Variants in CLDN16 observed in about 807,000 individuals in gnomAD.
CLDN16 encodes claudin 16.
A neutral mutation model predicts 24.6 loss-of-function variants in CLDN16; 13 were observed. That is an observed-to-expected ratio of 0.53 (90% CI 0.34 to 0.84). The LOEUF is 0.84. CLDN16 is among the 40% of genes least tolerant of loss of function. The pLI, the probability that CLDN16 is intolerant of heterozygous loss-of-function variation, is 0.01. For missense variants in CLDN16, 298 were observed against 292.7 expected (o/e 1.02, Z -0.13); for synonymous variants, 116 against 106.7 (o/e 1.09, Z -0.54).
In CLDN16 at chr3:190,363,294, T is replaced by C. The variant is rs188722748; in HGVS notation, n.122-7599T>C. 4.6e-3 allele frequency among the ~76,000 whole-genome samples: 694 copies of C among 151,794 alleles called. 7 individuals are homozygous for C. Among genetic ancestry groups the C allele is most frequent in the Middle Eastern group, 6.8e-3 (2 of 294 alleles). The stretch of plus-strand genomic sequence containing the variant: ...TAGTTACAGGCATTCTAGCTGGTTG[T>C]TTTTCTACAACTCCCATTTATCTCT... On this transcript the variant is annotated intron_variant and non_coding_transcript_variant, in intron 1 of 4. Transcript: ENST00000468220.
chr3:190,322,060 C>T (rs142242567), upstream of CLDN16: 6,541 of 1,614,206 alleles, frequency 4.1e-3, 84 homozygotes, highest in South Asian at 0.033. Context: ...ACATCCACAG[C>T]CCCTCGTACA....
chr3:190,410,326 G>C lies in CLDN16; in HGVS notation c.*290G>C. The C allele has an allele frequency of 2.7e-6, 1 of 363,680 alleles. No homozygotes were observed. The highest frequency in any genetic ancestry group is 3.1e-5 in the South Asian group (1 of 32,130). The allele number at this position is 363,680 out of a possible 1,614,324, so 22.5% of individuals were successfully genotyped here. A position where few individuals can be genotyped will look rare whatever the true frequency, so the allele number is the denominator to read the frequency against. On this transcript the variant is annotated 3_prime_UTR_variant, in exon 5 of 5. Coordinates refer to ENST00000264734, the MANE Select transcript of CLDN16 (RefSeq NM_006580.4). ...GTTTGTGATTTCTATATAGCTATTA[G>C]AGATTATGACATAGTAATATTAAAA...
chr3:190,332,741 G>GAT (rs1487895293), intron 1 of CLDN16, among the ~76,000 whole-genome samples: 8 of 150,328 alleles, frequency 5.3e-5, no homozygotes, highest in Middle Eastern at 3.5e-3. Flanking sequence ...GAAGACTAAA[G>GAT]AAAGATTATT....
intron 1 of CLDN16, among the ~76,000 whole-genome samples, chr3:190,352,105 A>G (rs980124931): frequency 6.6e-6 from 1 of 151,928 alleles, no homozygotes; most frequent in African/African-American, 2.4e-5. Flanking sequence ...GCTTTTCTAA[A>G]TATTATTTGT....
chr3:190,359,617 A>G (rs945059117), intron 1 of CLDN16, among the ~76,000 whole-genome samples: 1 of 152,058 alleles, frequency 6.6e-6, no homozygotes, highest in African/African-American at 2.4e-5. Context: ...ACAATGCTCA[A>G]TAAAACCCTG....
At position 190,408,757 on chromosome 3, in the gene CLDN16, T is replaced by G. The variant is rs755925488; in HGVS notation, c.574+252T>G. Among the ~76,000 whole-genome samples the G allele has an allele frequency of 4.2e-4, 63 of 149,938 alleles. 3 individuals are homozygous for G. The highest frequency in any genetic ancestry group is 1.5e-4 in the Non-Finnish European group (10 of 67,572). ...ATATTCAAATGTATAATAGTTATCTTGATGTATTACAATTATACATATATA... is the reference window on the plus strand; with the variant it reads ...ATATTCAAATGTATAATAGTTATCTGGATGTATTACAATTATACATATATA... On this transcript the variant is annotated intron_variant, in intron 4 of 4. Transcript: ENST00000264734.
upstream of CLDN16, among the ~76,000 whole-genome samples, chr3:190,383,240 C>T (rs1414052492): frequency 1.3e-5 from 2 of 152,070 alleles, no homozygotes; most frequent in Non-Finnish European, 2.9e-5. Context: ...TTGGAGGGAG[C>T]TATTGATATG....
chr3:190,321,302 A>G (rs964040472), upstream of CLDN16, among the ~76,000 whole-genome samples: 1 of 152,100 alleles, frequency 6.6e-6, no homozygotes, highest in African/African-American at 2.4e-5. Context: ...CCAAGATAGC[A>G]CTACACCGTC....
the CLDN16 span, among the ~76,000 whole-genome samples, chr3:190,302,099 G>A: frequency 0.019 from 2,877 of 152,164 alleles, 98 homozygotes; most frequent in African/African-American, 0.066. Flanking sequence ...CATGTTGTAC[G>A]TGATTCTACC....
intron 1 of CLDN16, among the ~76,000 whole-genome samples, chr3:190,364,434 C>A (rs768313596): frequency 2.0e-5 from 3 of 151,878 alleles, no homozygotes; most frequent in Admixed American, 6.6e-5. Flanking sequence ...CAGAACATAG[C>A]TCATGATGAG....
chr3:190,365,936 A>G (rs1718013611), intron 1 of CLDN16, among the ~76,000 whole-genome samples: 1 of 151,848 alleles, frequency 6.6e-6, no homozygotes, highest in South Asian at 2.1e-4. Flanking sequence ...AGGCCTCTAC[A>G]TAATTCTTAA....
chr3:190,365,604 C>T (rs572227267), intron 1 of CLDN16, among the ~76,000 whole-genome samples: 11 of 150,102 alleles, frequency 7.3e-5, no homozygotes, highest in Non-Finnish European at 1.2e-4. Flanking sequence ...TTCCAGGATC[C>T]TTGACCAAGT....
At chr3:190,353,358 T>C (rs1717706825) in intron 1 of CLDN16, among the ~76,000 whole-genome samples, 1 of 152,098 alleles carries the variant, frequency 6.6e-6, no homozygotes, top group South Asian at 2.1e-4. Flanking sequence ...TTTATCATGA[T>C]GAGTGCACCC....
At chr3:190,341,684 C>T (rs561714148) in intron 1 of CLDN16, among the ~76,000 whole-genome samples, 5 of 152,264 alleles carry the variant, frequency 3.3e-5, no homozygotes, top group East Asian at 1.9e-4. Flanking sequence ...TTTCTATAGC[C>T]GGCTTGGATT....
chr3:190,385,047 C>T (rs1360708493), upstream of CLDN16, among the ~76,000 whole-genome samples: 1 of 152,038 alleles, frequency 6.6e-6, no homozygotes, highest in Non-Finnish European at 1.5e-5. Context: ...GCTTCTGGTC[C>T]ACTCACTGAA....
chr3:190,348,321 A>T (rs1717598863), intron 1 of CLDN16, among the ~76,000 whole-genome samples: 1 of 125,378 alleles, frequency 8.0e-6, no homozygotes, highest in Admixed American at 8.3e-5. Context: ...GTCAAGGAAG[A>T]CAGCAAGACT....
chr3:190,325,310 A>G lies in CLDN16; in HGVS notation n.121+2649A>G, dbSNP rs980444410. On this transcript the variant is annotated intron_variant and non_coding_transcript_variant, in intron 1 of 4. Transcript: ENST00000468220. ...CTGCAGTATTTCTCTGTGTGACCCAAATCAATCGAGGACAATTTTTTTTTT... is the reference window on the plus strand; with the variant it reads ...CTGCAGTATTTCTCTGTGTGACCCAGATCAATCGAGGACAATTTTTTTTTT... Among the ~76,000 whole-genome samples the G allele has an allele frequency of 4.6e-5, 7 of 151,730 alleles. No homozygotes were observed. In the South Asian group the frequency reaches 1.1e-3, roughly 23 times the overall value.
At chr3:190,393,477 T>C (rs775286895) in intron 1 of CLDN16, among the ~76,000 whole-genome samples, 21 of 152,168 alleles carry the variant, frequency 1.4e-4, no homozygotes, top group Non-Finnish European at 2.1e-4. Flanking sequence ...AGAATAACAA[T>C]ACACACATCA....
intron 1 of CLDN16, among the ~76,000 whole-genome samples, chr3:190,336,316 G>A (rs1717305984): frequency 6.6e-6 from 1 of 152,170 alleles, no homozygotes; most frequent in South Asian, 2.1e-4. Context: ...TAAGGCAGAT[G>A]TGCTTCAGAG....
Sources: gnomAD v4.1 joint callset for allele counts (sites outside exome capture counted in the v4.1 genomes callset) on GRCh38, gnomAD v4.1.1 for gene constraint, MANE v1.5 for transcripts, NCBI Gene and HGNC (gene_info 2026-07-23, HGNC 2026-07-21) for gene names.